UBN2: variants seen among roughly 807,000 people sequenced by gnomAD.
UBN2 encodes ubinuclein 2.
Under a neutral mutation model 120.2 loss-of-function variants are expected in UBN2, and 35 were observed. The ratio of observed to expected loss-of-function variants is 0.29; its 90% CI spans 0.22 to 0.39. The LOEUF (loss-of-function observed/expected upper bound fraction) is 0.39, where lower values mean the gene tolerates loss of function less well. UBN2 is among the 10% of genes least tolerant of loss of function. The pLI is 1.00. For missense variants in UBN2, 1,693 were observed against 1,663.2 expected (o/e 1.02, Z -0.31); for synonymous variants, 661 against 648.7 (o/e 1.02, Z -0.29).
intron 8 of UBN2, among the ~76,000 whole-genome samples, chr7:139,271,890 A>C (rs2131008158): frequency 6.6e-6 from 1 of 152,330 alleles, no homozygotes; most frequent in East Asian, 1.9e-4. Flanking sequence ...TCCGGTTGGT[A>C]GTCACCCAAA....
At chr7:139,317,263 C>T in the UBN2 span, among the ~76,000 whole-genome samples, 48 of 152,060 alleles carry the variant, frequency 3.2e-4, no homozygotes, top group African/African-American at 9.9e-4. Context: ...CTCAACCTCC[C>T]AGGCTCAACC....
At chr7:139,263,207 T>C (rs1273711443) in intron 6 of UBN2, among the ~76,000 whole-genome samples, 1 of 152,204 alleles carries the variant, frequency 6.6e-6, no homozygotes, top group Non-Finnish European at 1.5e-5. Context: ...CCTCATTTTG[T>C]GAATTTAGGA....
chr7:139,273,011 A>G (rs1386215569), intron 9 of UBN2, among the ~76,000 whole-genome samples: 1 of 152,250 alleles, frequency 6.6e-6, no homozygotes, highest in East Asian at 1.9e-4. Context: ...AAGAGCTGAC[A>G]CTGGTGAGAG....
At chr7:139,276,187 A>T (rs758250307) in intron 12 of UBN2, 40 bp downstream of exon 12, 1 of 1,584,438 alleles carries the variant, frequency 6.3e-7, no homozygotes, top group African/African-American at 1.3e-5. Flanking sequence ...ATTTATTCAC[A>T]TTATGTGCTT....
chr7:139,293,509 A>G, intron 16 of UBN2, 46 bp downstream of exon 16: 1 of 1,512,144 alleles, frequency 6.6e-7, no homozygotes, highest in Non-Finnish European at 9.2e-7. Flanking sequence ...GCTTGACAGA[A>G]CAGGAAACCT....
chr7:139,327,272 A>G, the UBN2 span, among the ~76,000 whole-genome samples: 1 of 152,156 alleles, frequency 6.6e-6, no homozygotes, highest in Non-Finnish European at 1.5e-5. Flanking sequence ...ACATCAGGTG[A>G]TCTGCCAGCC....
At chr7:139,309,558 A>G (rs1473228815), downstream of UBN2, among the ~76,000 whole-genome samples, 1 of 152,242 alleles carries the variant, frequency 6.6e-6, no homozygotes, top group Non-Finnish European at 1.5e-5. Flanking sequence ...TTTTTTTAAA[A>G]CATATTTTAC....
In UBN2 at chr7:139,231,509, T is replaced by C; in HGVS notation, c.25T>C (p.Phe9Leu). Reference protein sequence around the residue: MAEPRRVAFISLSPVRRRE... With the variant: MAEPRRVALISLSPVRRRE... ...GATGGCGGAGCCGCGCAGAGTAGCG[T>C]TCATTAGCTTGTCACCGGTGCGGCG... Residue 9 changes from phenylalanine to leucine, a missense_variant, in exon 1 of 18, where the codon TTC becomes CTC. Transcript: ENST00000473989. 2.1e-6 allele frequency: 3 copies of C among 1,416,204 alleles called. No individual in the cohort carries two copies. The highest frequency in any genetic ancestry group is 1.5e-5 in the African/African-American group (1 of 67,368). The allele number at this position is 1,416,204 out of a possible 1,614,324, so 87.7% of individuals were successfully genotyped here. A position where few individuals can be genotyped will look rare whatever the true frequency, so the allele number is the denominator to read the frequency against.
the UBN2 span, among the ~76,000 whole-genome samples, chr7:139,324,862 T>C: frequency 6.6e-6 from 1 of 151,766 alleles, no homozygotes; most frequent in South Asian, 2.1e-4. Flanking sequence ...TGCCAGCTAC[T>C]TGGGAGGCTG....
chr7:139,324,570 A>AG, the UBN2 span, among the ~76,000 whole-genome samples: 194 of 148,606 alleles, frequency 1.3e-3, no homozygotes, highest in African/African-American at 4.3e-3. Context: ...AAAAAAAAAA[A>AG]AAAAAGAAAA....
At chr7:139,327,480 T>A in the UBN2 span, among the ~76,000 whole-genome samples, 4,278 of 152,234 alleles carry the variant, frequency 0.028, 205 homozygotes, top group African/African-American at 0.096. Context: ...GGTGCTGGCA[T>A]CTGGTGAGGG....
At chr7:139,263,952 G>A (rs1049916494) in intron 6 of UBN2, among the ~76,000 whole-genome samples, 2 of 151,958 alleles carry the variant, frequency 1.3e-5, no homozygotes, top group African/African-American at 4.8e-5. Context: ...ATTCTTCTAG[G>A]TGTTTTTACT....
chr7:139,294,373 G>A (rs1249903293), intron 17 of UBN2, among the ~76,000 whole-genome samples: 2 of 152,164 alleles, frequency 1.3e-5, no homozygotes, highest in Non-Finnish European at 2.9e-5. Flanking sequence ...GATAGATGAC[G>A]ATCTCCATTT....
At chr7:139,257,107 A>G (rs1235261642) in intron 3 of UBN2, among the ~76,000 whole-genome samples, 1 of 152,182 alleles carries the variant, frequency 6.6e-6, no homozygotes, top group East Asian at 1.9e-4. Context: ...ATCTTTCTAC[A>G]ATCAGATAAG....
At chr7:139,258,400 G>GTA in intron 3 of UBN2, 88 bp from the exon 4 acceptor site, 1 of 1,064,130 alleles carries the variant, frequency 9.4e-7, no homozygotes, top group East Asian at 2.6e-5. Context: ...ATTTAAGGGA[G>GTA]ATGCTGCCAT....
At chr7:139,258,320 T>A (rs1425539220) in intron 3 of UBN2, among the ~76,000 whole-genome samples, 168 bp from the exon 4 acceptor site, 1 of 152,112 alleles carries the variant, frequency 6.6e-6, no homozygotes, top group Non-Finnish European at 1.5e-5. Flanking sequence ...AACTAATTTT[T>A]ATTTCAGATA....
the UBN2 span, among the ~76,000 whole-genome samples, chr7:139,328,807 T>C: frequency 6.8e-6 from 1 of 148,044 alleles, no homozygotes; most frequent in Non-Finnish European, 1.5e-5. Context: ...GAGGCTGCAG[T>C]GAGCTATGAT....
intron 2 of UBN2, among the ~76,000 whole-genome samples, chr7:139,245,410 C>G (rs972416385): frequency 4.6e-5 from 7 of 152,058 alleles, no homozygotes; most frequent in African/African-American, 1.7e-4. Flanking sequence ...AGCTTTAAGT[C>G]TTTTATTTGC....
chr7:139,293,305 A>G lies in UBN2; in HGVS notation c.3743A>G (p.Asn1248Ser), dbSNP rs1290676658. ...TLMTSPLSVT[N>S]QNVTPFGMLG... ...ATGACATCACCTTTGTCTGTAACAA[A>G]TCAAAATGTGACTCCTTTTGGGATG... Residue 1248 changes from asparagine (N) to serine (S), a missense_variant, in exon 16 of 18, where the codon AAT becomes AGT. Asn to Ser is a conservative substitution (Grantham distance 46). Around this residue, in one of 5 missense-constraint regions of UBN2, gnomAD observed 837 missense variants for 817.6 expected, o/e 1.02. Coordinates refer to ENST00000473989, the MANE Select transcript of UBN2 (RefSeq NM_173569.4). 1.9e-6 allele frequency: 3 copies of G among 1,614,212 alleles called. No homozygotes were observed. The highest frequency in any genetic ancestry group is 2.2e-5 in the South Asian group (2 of 91,080).
Sources: allele counts gnomAD v4.1 joint callset (sites outside exome capture counted in the v4.1 genomes callset), GRCh38; gene constraint gnomAD v4.1.1; regional missense constraint gnomAD v4.1.1; transcripts MANE v1.5; gene names NCBI Gene and HGNC (gene_info 2026-07-23, HGNC 2026-07-21).